Variants in CEP89 observed in about 807,000 individuals in gnomAD.
The protein encoded by CEP89 is centrosomal protein of 89 kDa.
Under a neutral mutation model 97.6 loss-of-function variants are expected in CEP89, and 95 were observed. The observed-to-expected ratio is 0.97, with a 90% CI of 0.82 to 1.15. The LOEUF is 1.15. Ranked by LOEUF, CEP89 falls within the 50% of genes most tolerant of loss-of-function variation. The pLI, the probability that CEP89 is intolerant of heterozygous loss-of-function variation, is 0.00. For missense variants in CEP89, 869 were observed against 947.7 expected, an observed-to-expected ratio of 0.92 and a Z score of 1.09; for synonymous variants, 354 against 349.1, an observed-to-expected ratio of 1.01 and a Z score of -0.16.
chr19:32,913,891 G>A (rs993405230), intron 14 of CEP89, among the ~76,000 whole-genome samples: 2 of 151,904 alleles, frequency 1.3e-5, no homozygotes, highest in East Asian at 1.9e-4. Flanking sequence ...CACCCGCCTC[G>A]GCCTCCCAAA....
chr19:32,914,386 T>C (rs1375764150), intron 14 of CEP89, among the ~76,000 whole-genome samples: 6 of 151,972 alleles, frequency 3.9e-5, no homozygotes, highest in Non-Finnish European at 4.4e-5. Context: ...CGATCTCCCA[T>C]GTAGCTGGGA....
chr19:32,896,576 C>T (rs1969646226), intron 16 of CEP89, among the ~76,000 whole-genome samples: 1 of 151,954 alleles, frequency 6.6e-6, no homozygotes, highest in African/African-American at 2.4e-5. Flanking sequence ...ATGGCTAAGA[C>T]CCCAAAAGCA....
chr19:32,892,046 G>A (rs778407544), intron 16 of CEP89, among the ~76,000 whole-genome samples: 3 of 149,972 alleles, frequency 2.0e-5, no homozygotes, highest in Middle Eastern at 3.2e-3. Context: ...GTCTTCTCCC[G>A]ACGACATTAT....
intron 4 of CEP89, among the ~76,000 whole-genome samples, chr19:32,948,752 G>T (rs552384142): frequency 6.6e-6 from 1 of 151,830 alleles, no homozygotes; most frequent in Admixed American, 6.6e-5. Flanking sequence ...TTGAGACAGG[G>T]TCTCCTCTGT....
intron 8 of CEP89, among the ~76,000 whole-genome samples, chr19:32,933,028 A>G (rs547976273): frequency 6.6e-6 from 1 of 151,836 alleles, no homozygotes; most frequent in African/African-American, 2.4e-5. Context: ...AAAATATTCA[A>G]GTTCAATAAT....
intron 16 of CEP89, among the ~76,000 whole-genome samples, chr19:32,895,557 C>G (rs1198343013): frequency 1.3e-5 from 2 of 152,036 alleles, no homozygotes; most frequent in Non-Finnish European, 2.9e-5. Context: ...AGAACTGAAA[C>G]TAGTTAAGGA....
At position 32,879,150 on chromosome 19, in the gene CEP89, C is replaced by G; in HGVS notation, c.*12G>C. The G allele has an allele frequency of 6.3e-7, 1 of 1,597,140 alleles. No individual in the cohort carries two copies. Among genetic ancestry groups the G allele is most frequent in the South Asian group, 1.1e-5 (1 of 88,706 alleles). On this transcript the variant is annotated 3_prime_UTR_variant, in exon 19 of 19. Transcript: ENST00000305768. Reference sequence around the variant, plus strand: ...AGGCCAGAGGAGGCTACACCACGGGCTCCCGCAGATTCTAGCAGGTGGGGG... The same window carrying G: ...AGGCCAGAGGAGGCTACACCACGGGGTCCCGCAGATTCTAGCAGGTGGGGG...
intron 14 of CEP89, among the ~76,000 whole-genome samples, chr19:32,914,963 AG>A (rs1360752412): frequency 5.9e-5 from 9 of 152,036 alleles, no homozygotes; most frequent in African/African-American, 1.9e-4. Context: ...TGGAGGTTAC[AG>A]GTGCCGAGAC....
chr19:32,915,307 A>G (rs1275615885), intron 14 of CEP89, 30 bp downstream of exon 14: 4 of 1,558,438 alleles, frequency 2.6e-6, no homozygotes, highest in African/African-American at 2.8e-5. Context: ...AAAGAAAAAA[A>G]AAAAAAAAGA....
intron 14 of CEP89, among the ~76,000 whole-genome samples, chr19:32,904,652 C>T (rs528081635): frequency 7.5e-4 from 111 of 148,430 alleles, no homozygotes; most frequent in Non-Finnish European, 1.5e-3. Flanking sequence ...AATGCAGTGG[C>T]GCCACCTCCA....
At chr19:32,903,427 G>A (rs553276462) in intron 14 of CEP89, among the ~76,000 whole-genome samples, 177 of 152,264 alleles carry the variant, frequency 1.2e-3, no homozygotes, top group Non-Finnish European at 2.0e-3. Context: ...AAGTGAGAGA[G>A]ATGATGGCGT....
intron 2 of CEP89, among the ~76,000 whole-genome samples, chr19:32,965,020 C>G (rs148663291): frequency 0.01 from 1,541 of 152,252 alleles, 27 homozygotes; most frequent in Non-Finnish European, 0.011. Flanking sequence ...ATCTTCCAGC[C>G]TTAGCCTCCC....
chr19:32,942,849 CTTTTTT>C (rs757161677), intron 5 of CEP89, among the ~76,000 whole-genome samples: 1 of 136,368 alleles, frequency 7.3e-6, no homozygotes, highest in Admixed American at 7.4e-5. Flanking sequence ...CTATTCCAGT[CTTTTTT>C]TTTTTTTTTT....
chr19:32,930,607 G>A (rs548524305), intron 9 of CEP89, among the ~76,000 whole-genome samples: 3 of 152,068 alleles, frequency 2.0e-5, no homozygotes, highest in African/African-American at 4.8e-5. Context: ...CCCAGCCAGC[G>A]GTGCCTCCCT....
At chr19:32,915,940 T>C (rs1970117979) in intron 13 of CEP89, among the ~76,000 whole-genome samples, 1 of 147,240 alleles carries the variant, frequency 6.8e-6, no homozygotes, top group African/African-American at 2.5e-5. Flanking sequence ...AAAAAAAAGA[T>C]ATTTTGGAGT....
At chr19:32,951,248 C>A (rs1350884196) in intron 4 of CEP89, among the ~76,000 whole-genome samples, 1 of 152,046 alleles carries the variant, frequency 6.6e-6, no homozygotes, top group African/African-American at 2.4e-5. Flanking sequence ...CCAGTAATCC[C>A]AACACTTTGG....
chr19:32,914,877 G>A (rs556060921), intron 14 of CEP89, among the ~76,000 whole-genome samples: 4 of 151,728 alleles, frequency 2.6e-5, no homozygotes, highest in Non-Finnish European at 4.4e-5. Flanking sequence ...CAAAAATTAG[G>A]CAGGTGTGGT....
At chr19:32,883,061 A>C (rs1260323917) in intron 17 of CEP89, among the ~76,000 whole-genome samples, 2 of 151,668 alleles carry the variant, frequency 1.3e-5, no homozygotes, top group African/African-American at 4.8e-5. Context: ...ATGGGGTTTC[A>C]CCATGTTAGC....
At chr19:32,896,610 C>T (rs913515209) in intron 16 of CEP89, among the ~76,000 whole-genome samples, 1 of 151,926 alleles carries the variant, frequency 6.6e-6, no homozygotes, top group African/African-American at 2.4e-5. Flanking sequence ...CAAAAATAGA[C>T]AAATGGAACT....
Sources: allele counts gnomAD v4.1 joint callset (sites outside exome capture counted in the v4.1 genomes callset), GRCh38; gene constraint gnomAD v4.1.1; transcripts MANE v1.5; gene names NCBI Gene and HGNC (gene_info 2026-07-23, HGNC 2026-07-21).